Variants in APBB2 observed in about 807,000 individuals in gnomAD.
The protein encoded by APBB2 is Fe65-like 1.
Under a neutral mutation model 82.5 loss-of-function variants are expected in APBB2, and 38 were observed. The ratio of observed to expected loss-of-function variants is 0.46; its 90% CI spans 0.36 to 0.60. APBB2 has a LOEUF of 0.60. Ranked by LOEUF, APBB2 falls within the 20% of genes least tolerant of loss-of-function variation. APBB2 has a pLI of 0.00. For missense variants in APBB2, 772 were observed against 972.3 expected (o/e 0.79, Z 2.74); for synonymous variants, 341 against 368.2 (o/e 0.93, Z 0.85).
intron 4 of APBB2, among the ~76,000 whole-genome samples, chr4:41,061,280 A>G (rs1192001438): frequency 1.3e-5 from 2 of 152,256 alleles, no homozygotes; most frequent in African/African-American, 4.8e-5. Flanking sequence ...GTGTTGCTGA[A>G]CAACAGAAAT....
At chr4:40,916,111 G>A (rs1402618810) in intron 10 of APBB2, among the ~76,000 whole-genome samples, 3 of 152,286 alleles carry the variant, frequency 2.0e-5, no homozygotes, top group South Asian at 4.2e-4. Context: ...AATTGCAGAA[G>A]AGAAAACATT....
intron 1 of APBB2, among the ~76,000 whole-genome samples, chr4:41,180,532 G>C (rs1394400920): frequency 6.6e-6 from 1 of 152,076 alleles, no homozygotes; most frequent in African/African-American, 2.4e-5. Context: ...TACTTGATGG[G>C]GGGGCAGAGG....
chr4:40,950,038 A>C (rs1789658810), intron 6 of APBB2, among the ~76,000 whole-genome samples: 1 of 152,214 alleles, frequency 6.6e-6, no homozygotes, highest in Non-Finnish European at 1.5e-5. Flanking sequence ...ATTCGGACCA[A>C]CTGCGGGGGC....
intron 12 of APBB2, among the ~76,000 whole-genome samples, chr4:40,864,293 A>G (rs2154336817): frequency 6.6e-6 from 1 of 152,092 alleles, no homozygotes; most frequent in South Asian, 2.1e-4. Context: ...AAACAAAAAA[A>G]CCACTGTGTA....
chr4:40,951,335 A>C (rs78698558), intron 6 of APBB2, among the ~76,000 whole-genome samples: 4,753 of 152,292 alleles, frequency 0.031, 284 homozygotes, highest in African/African-American at 0.11. Flanking sequence ...CAAAAGTTTC[A>C]GTTGTTTCTT....
At chr4:41,006,328 T>C (rs897494330) in intron 6 of APBB2, among the ~76,000 whole-genome samples, 3 of 152,208 alleles carry the variant, frequency 2.0e-5, no homozygotes, top group Admixed American at 1.3e-4. Context: ...ATTCTTCCTG[T>C]CGCATTATGG....
At chr4:41,086,679 G>T (rs1270983135) in intron 3 of APBB2, among the ~76,000 whole-genome samples, 1 of 152,048 alleles carries the variant, frequency 6.6e-6, no homozygotes, top group South Asian at 2.1e-4. Context: ...CATAATAAAG[G>T]TCATATATGA....
chr4:40,973,848 T>C (rs933631357), intron 6 of APBB2, among the ~76,000 whole-genome samples: 17 of 141,856 alleles, frequency 1.2e-4, no homozygotes, highest in Non-Finnish European at 2.6e-4. Context: ...TGTCTCCAAA[T>C]TTCCTTTTTT....
rs1201808195 is a variant in APBB2 at position 40,907,369 on chromosome 4, ATATATATATATTTTTTTTTT to A, written c.1255-13978_1255-13959del. 2.4e-4 allele frequency among the ~76,000 whole-genome samples: 21 copies of A among 87,386 alleles called. 1 individual carries two copies. The highest frequency in any genetic ancestry group is 1.1e-3 in the African/African-American group (20 of 18,540). The allele number at this position is 87,386 out of a possible 152,430, so 57.3% of individuals were successfully genotyped here. A position where few individuals can be genotyped will look rare whatever the true frequency, so the allele number is the denominator to read the frequency against. ...ATTACATATATATATATATATATAT[ATATATATATATTTTTTTTTT>A]TTTTTTTTTTTAGACAGAGTCTCAC... On this transcript the variant is annotated intron_variant, in intron 10 of 17. Transcript: ENST00000508593.
intron 7 of APBB2, 33 bp downstream of exon 7, chr4:40,944,832 C>T (rs200686293): frequency 1.3e-4 from 210 of 1,605,198 alleles, no homozygotes; most frequent in Non-Finnish European, 1.7e-4. Flanking sequence ...TACATCTATT[C>T]TACTAAGCTG....
intron 6 of APBB2, among the ~76,000 whole-genome samples, chr4:40,949,549 G>A (rs1317140201): frequency 6.6e-6 from 1 of 152,058 alleles, no homozygotes; most frequent in Non-Finnish European, 1.5e-5. Flanking sequence ...GCCGCTTAAT[G>A]GCCGCCCTCC....
intron 5 of APBB2, among the ~76,000 whole-genome samples, chr4:41,031,826 C>A (rs992948102): frequency 1.3e-5 from 2 of 152,138 alleles, no homozygotes; most frequent in Non-Finnish European, 2.9e-5. Flanking sequence ...CATTTAAAAT[C>A]TATTTTCTAA....
intron 12 of APBB2, among the ~76,000 whole-genome samples, chr4:40,878,892 G>A (rs921709812): frequency 5.3e-5 from 8 of 152,034 alleles, no homozygotes; most frequent in African/African-American, 1.9e-4. Context: ...TGCCATGACC[G>A]CGCCTGCATG....
At chr4:40,946,836 T>C (rs899487593) in intron 6 of APBB2, among the ~76,000 whole-genome samples, 4 of 152,322 alleles carry the variant, frequency 2.6e-5, no homozygotes, top group South Asian at 2.1e-4. Context: ...TGTGCAAGTG[T>C]CGCTGCATCA....
Position 41,125,718 on chromosome 4 carries a change from A to G in APBB2, c.-261+17269T>C, listed in dbSNP as rs1402961157. Among the ~76,000 whole-genome samples, 8 of 152,222 alleles carry G rather than the reference A, an allele frequency of 5.3e-5. No homozygotes were observed. The East Asian group carries it at 1.2e-3, about 22-fold the overall frequency. ...CAAATAAATAGGCCAAAGGAAGCCA[A>G]TGGTTTTCCAACTCCTACTGTAAGT... On this transcript the variant is annotated intron_variant, in intron 2 of 17. Transcript: ENST00000508593.
intron 2 of APBB2, among the ~76,000 whole-genome samples, chr4:41,108,612 A>C (rs1437915726): frequency 6.6e-6 from 1 of 152,134 alleles, no homozygotes; most frequent in Non-Finnish European, 1.5e-5. Flanking sequence ...GACATTTCCA[A>C]CAAGTCAGAA....
At chr4:40,817,790 C>T (rs1300368291) in intron 17 of APBB2, among the ~76,000 whole-genome samples, 8 of 152,064 alleles carry the variant, frequency 5.3e-5, no homozygotes, top group Non-Finnish European at 1.2e-4. Flanking sequence ...TCTATCATAC[C>T]CCTTAGGCCA....
intron 6 of APBB2, among the ~76,000 whole-genome samples, chr4:40,971,518 G>T (rs1795919249): frequency 6.6e-6 from 1 of 152,156 alleles, no homozygotes; most frequent in African/African-American, 2.4e-5. Flanking sequence ...TATGTCAGCT[G>T]CTTTCCATTC....
chr4:40,826,179 G>A lies in APBB2; in HGVS notation c.1733-209C>T. 1.8e-6 allele frequency: 1 copy of A among 551,262 alleles called. No individual in the cohort carries two copies. Among genetic ancestry groups the A allele is most frequent in the Admixed American group, 3.1e-5 (1 of 31,996 alleles). The allele number at this position is 551,262 out of a possible 1,614,324, so 34.1% of individuals were successfully genotyped here. A position where few individuals can be genotyped will look rare whatever the true frequency, so the allele number is the denominator to read the frequency against. On this transcript the variant is annotated intron_variant, in intron 14 of 17. Coordinates refer to ENST00000508593, the MANE Select transcript of APBB2 (RefSeq NM_004307.2). This position sits in a 1 kb window ranked among gnomAD's most constrained non-coding sequence, Gnocchi z 4.5. The stretch of plus-strand genomic sequence containing the variant: ...AAAATCCTGTTCAACTTTCAAGATA[G>A]GAATGCATGTGAAAGCAGGAAGTGG...
Sources: allele counts gnomAD v4.1 joint callset (sites outside exome capture counted in the v4.1 genomes callset), GRCh38; gene constraint gnomAD v4.1.1; non-coding constraint Gnocchi (gnomAD v3.1); transcripts MANE v1.5; gene names NCBI Gene and HGNC (gene_info 2026-07-23, HGNC 2026-07-21).